DRAM2: variants seen among roughly 807,000 people sequenced by gnomAD.
The protein encoded by DRAM2 is DNA damage regulated autophagy modulator 2.
DRAM2 carries 26 observed loss-of-function variants against 33.5 expected under a neutral mutation model. The ratio of observed to expected loss-of-function variants is 0.78; its 90% CI spans 0.57 to 1.08. The LOEUF is 1.08. Among genes scored for constraint, DRAM2 ranks in the 50% least tolerant of loss-of-function variants. The pLI, the probability that DRAM2 is intolerant of heterozygous loss-of-function variation, is 0.00. For synonymous variants in DRAM2, 98 were observed against 109.5 expected (o/e 0.89, Z 0.66); for missense variants, 311 against 318.1 (o/e 0.98, Z 0.17).
intron 9 of DRAM2, 189 bp from the exon 10 acceptor site, chr1:111,118,456 T>G: frequency 2.0e-6 from 1 of 508,432 alleles, no homozygotes. Flanking sequence ...GCTTCTCAAT[T>G]CATAAAGTTC....
chr1:111,126,086 G>T (rs1258801845), intron 5 of DRAM2, 141 bp downstream of exon 5: 17 of 605,212 alleles, frequency 2.8e-5, no homozygotes, highest in Non-Finnish European at 4.3e-5. Flanking sequence ...TTTAAAAGGA[G>T]CATAATTATG....
intron 2 of DRAM2, among the ~76,000 whole-genome samples, chr1:111,137,870 C>A (rs192977828): frequency 1.3e-5 from 2 of 152,250 alleles, no homozygotes; most frequent in East Asian, 1.9e-4. Flanking sequence ...AATATCATTG[C>A]GTCTTCTCCT....
chr1:111,118,113 C>T lies in DRAM2; in HGVS notation c.*47G>A, dbSNP rs1250561707. The stretch of plus-strand genomic sequence containing the variant: ...ATAAGCAACTTCTGTGAACCTTTCC[C>T]CAATCCCTGAGAATCATAATCATTA... On this transcript the variant is annotated 3_prime_UTR_variant, in exon 10 of 10. Coordinates refer to ENST00000484310, the MANE Select transcript of DRAM2 (RefSeq NM_001349884.2). 3.2e-6 allele frequency: 5 copies of T among 1,577,560 alleles called. No individual in the cohort carries two copies. The highest frequency in any genetic ancestry group is 1.4e-5 in the African/African-American group (1 of 74,036).
At chr1:111,125,157 A>G (rs1236060966) in intron 5 of DRAM2, among the ~76,000 whole-genome samples, 1 of 152,190 alleles carries the variant, frequency 6.6e-6, no homozygotes, top group Non-Finnish European at 1.5e-5. Context: ...GACTGTAGGC[A>G]CATACCTGTG....
At position 111,136,376 on chromosome 1, in the gene DRAM2, C is replaced by A. The variant is rs143522609; in HGVS notation, c.-15+1147G>T. 1.4e-4 allele frequency among the ~76,000 whole-genome samples: 21 copies of A among 152,162 alleles called. 1 individual carries two copies. In the East Asian group the frequency reaches 4.1e-3, roughly 29 times the overall value. The stretch of plus-strand genomic sequence containing the variant: ...GTCAGGAGTTCTGAGACCAGCCTGG[C>A]CAGCACGGTGAAACCCAGTCTCTAC... On this transcript the variant is annotated intron_variant, in intron 3 of 9. Transcript: ENST00000484310.
In DRAM2 at chr1:111,118,802, T is replaced by C; in HGVS notation, c.693+3A>G. 3 of 1,599,748 alleles carry C rather than the reference T, an allele frequency of 1.9e-6. No homozygotes were observed. The highest frequency in any genetic ancestry group is 2.2e-5 in the South Asian group (2 of 89,854). On this transcript the variant is annotated splice_donor_region_variant and intron_variant, in intron 9 of 9. Transcript: ENST00000484310. Reference sequence around the variant, plus strand: ...GAATAAATCTAATATTGTGCCTTCTTACCTGAAAATCACGAATGTAAGTCA... The same window carrying C: ...GAATAAATCTAATATTGTGCCTTCTCACCTGAAAATCACGAATGTAAGTCA...
At position 111,137,252 on chromosome 1, in the gene DRAM2, A is replaced by C. The variant is rs1443397231; in HGVS notation, c.-15+271T>G. ...CTGGGCGACAGCGAGATTCCATCTC[A>C]AAAAAAAAAAAAAAAAAAAAAATTT... On this transcript the variant is annotated intron_variant, in intron 3 of 9. Transcript: ENST00000484310. Among the ~76,000 whole-genome samples, 19 of 72,218 alleles carry C rather than the reference A, an allele frequency of 2.6e-4. No homozygotes were observed. The East Asian group carries it at 0.014, about 54-fold the overall frequency. The allele number at this position is 72,218 out of a possible 152,430, so 47.4% of individuals were successfully genotyped here.
chr1:111,138,499 T>C (rs1303026102), intron 2 of DRAM2, among the ~76,000 whole-genome samples: 2 of 152,252 alleles, frequency 1.3e-5, no homozygotes, highest in Non-Finnish European at 2.9e-5. Context: ...AAAAATGTTC[T>C]TGCAGGCCGG....
At chr1:111,137,019 C>T (rs1479669962) in intron 3 of DRAM2, among the ~76,000 whole-genome samples, 10 of 149,802 alleles carry the variant, frequency 6.7e-5, no homozygotes, top group South Asian at 2.1e-4. Context: ...TTTGGGAGGT[C>T]GAGGCAGGCG....
In DRAM2 at chr1:111,119,941, A is replaced by C; in HGVS notation, c.536T>G (p.Val179Gly). 1 of 1,612,820 alleles carries C rather than the reference A, an allele frequency of 6.2e-7. No individual in the cohort carries two copies. The highest frequency in any genetic ancestry group is 8.5e-7 in the Non-Finnish European group (1 of 1,179,084). ...SALSMLTCSS[V>G]LHSGNFGTDL... ...AGTCCCAAAATTGCCACTGTGCAAA[A>C]CTGATGAGCAAGTCAGCACTATAAA... is the stretch of plus-strand genomic sequence containing the variant. Residue 179 changes from valine to glycine, a missense_variant, in exon 8 of 10, where the codon GTT (valine) becomes GGT (glycine). Physicochemically the swap from Val to Gly is moderately radical, Grantham distance 109. Coordinates refer to ENST00000484310, the MANE Select transcript of DRAM2 (RefSeq NM_001349884.2).
At chr1:111,124,988 C>T in intron 5 of DRAM2, 107 bp from the exon 6 acceptor site, 1 of 918,624 alleles carries the variant, frequency 1.1e-6, no homozygotes, top group Admixed American at 3.1e-5. Flanking sequence ...ACAGATTTTC[C>T]TTTTAAAATT....
chr1:111,121,420 G>A (rs1279903817), intron 6 of DRAM2, among the ~76,000 whole-genome samples: 3 of 151,940 alleles, frequency 2.0e-5, no homozygotes, highest in East Asian at 1.9e-4. Flanking sequence ...CTGGCCTCCC[G>A]AACTTTGACA....
intron 3 of DRAM2, among the ~76,000 whole-genome samples, chr1:111,132,861 G>A (rs1300555085): frequency 8.6e-5 from 13 of 151,168 alleles, no homozygotes; most frequent in Non-Finnish European, 1.2e-4. Flanking sequence ...TTTATTATTT[G>A]TAGAGATGAG....
At chr1:111,119,532 GGGA>G (rs1283813764) in intron 8 of DRAM2, 3 of 200,392 alleles carry the variant, frequency 1.5e-5, no homozygotes, top group African/African-American at 7.1e-5. Flanking sequence ...AACAAAAAGT[GGGA>G]GAAGATGTCT....
At chr1:111,132,685 T>C (rs1008393567) in intron 3 of DRAM2, among the ~76,000 whole-genome samples, 3 of 140,312 alleles carry the variant, frequency 2.1e-5, no homozygotes, top group Non-Finnish European at 3.0e-5. Flanking sequence ...TCTTCCTCTT[T>C]TTTTTTTTTT....
chr1:111,134,898 G>A (rs1652862225), intron 3 of DRAM2, among the ~76,000 whole-genome samples: 2 of 152,132 alleles, frequency 1.3e-5, no homozygotes, highest in South Asian at 4.2e-4. Context: ...ACCAACCCGG[G>A]CCAACTTTAT....
intron 8 of DRAM2, 59 bp downstream of exon 8, chr1:111,119,818 G>T: frequency 7.5e-7 from 1 of 1,328,396 alleles, no homozygotes; most frequent in Non-Finnish European, 1.1e-6. Flanking sequence ...AACATATCAA[G>T]ATCAATCAAA....
At chr1:111,127,648 G>A (rs1651282943) in intron 4 of DRAM2, among the ~76,000 whole-genome samples, 1 of 152,116 alleles carries the variant, frequency 6.6e-6, no homozygotes, top group African/African-American at 2.4e-5. Flanking sequence ...CAATGTATAT[G>A]TATTATTCTT....
At chr1:111,139,339 G>A (rs79428887) in intron 2 of DRAM2, among the ~76,000 whole-genome samples, 162 bp downstream of exon 2, 3,587 of 152,218 alleles carry the variant, frequency 0.024, 147 homozygotes, top group African/African-American at 0.081. Flanking sequence ...AGATACCCAG[G>A]ACCAGCAATT....
Sources: allele counts gnomAD v4.1 joint callset (sites outside exome capture counted in the v4.1 genomes callset), GRCh38; gene constraint gnomAD v4.1.1; transcripts MANE v1.5; gene names NCBI Gene and HGNC (gene_info 2026-07-23, HGNC 2026-07-21).